SRGAP1: variants seen among roughly 807,000 people sequenced by gnomAD.
SRGAP1 encodes the protein SLIT-ROBO Rho GTPase-activating protein 1.
A neutral mutation model predicts 121.9 loss-of-function variants in SRGAP1; 43 were observed. That is an observed-to-expected ratio of 0.35 (90% CI 0.28 to 0.46). The LOEUF is 0.46. Ranked by LOEUF, SRGAP1 falls within the 20% of genes least tolerant of loss-of-function variation. The pLI, the probability that SRGAP1 is intolerant of heterozygous loss-of-function variation, is 1.00. For synonymous variants in SRGAP1, 447 were observed against 485.4 expected, an observed-to-expected ratio of 0.92 and a Z score of 1.04; for missense variants, 1,102 against 1,350.9, an observed-to-expected ratio of 0.82 and a Z score of 2.89.
At chr12:64,100,844 T>C (rs1209244627) in intron 15 of SRGAP1, among the ~76,000 whole-genome samples, 1 of 152,194 alleles carries the variant, frequency 6.6e-6, no homozygotes, top group Non-Finnish European at 1.5e-5. Context: ...CCTGCATTTT[T>C]CCTGGATTTT....
At chr12:64,092,690 C>A (rs1402624762) in intron 12 of SRGAP1, among the ~76,000 whole-genome samples, 1 of 152,004 alleles carries the variant, frequency 6.6e-6, no homozygotes, top group Non-Finnish European at 1.5e-5. Flanking sequence ...ATTTTCCCAG[C>A]CCCTGGCTTA....
intron 1 of SRGAP1, among the ~76,000 whole-genome samples, chr12:63,969,809 A>G (rs998690889): frequency 2.0e-5 from 3 of 151,920 alleles, no homozygotes; most frequent in African/African-American, 4.8e-5. Context: ...GAAAAAAAAA[A>G]AAACTAAAAA....
chr12:64,111,148 TG>T (rs1220207489), intron 16 of SRGAP1, among the ~76,000 whole-genome samples: 3 of 152,204 alleles, frequency 2.0e-5, no homozygotes, highest in African/African-American at 7.2e-5. Context: ...TTGCAAGCCT[TG>T]CATAGAATAA....
chr12:63,993,052 G>C lies in SRGAP1; in HGVS notation c.426+2980G>C, dbSNP rs770504779. ...ATTGCTGGAAGAGGAAAGAACAAGAGAGGCAAAGGACACAGGGAGAAATCA... is the reference window on the plus strand; with the variant it reads ...ATTGCTGGAAGAGGAAAGAACAAGACAGGCAAAGGACACAGGGAGAAATCA... On this transcript the variant is annotated intron_variant, in intron 3 of 21. Transcript: ENST00000355086. Among the ~76,000 whole-genome samples the C allele has an allele frequency of 5.9e-5, 9 of 152,172 alleles. No individual in the cohort carries two copies. The South Asian group carries it at 1.0e-3, about 18-fold the overall frequency.
Position 64,151,931 on chromosome 12 carries a change from C to G in SRGAP1, c.*9259C>G, listed in dbSNP as rs2037123591. 1.3e-5 allele frequency: 2 copies of G among 152,278 alleles called. No homozygotes were observed. Among genetic ancestry groups the G allele is most frequent in the African/African-American group, 4.8e-5 (2 of 41,438 alleles). 9.4% of individuals were successfully genotyped at this position (152,278 alleles called of 1,614,324 possible). ...TCCTCCAATCTGTTCCGCTGCCTAT[C>G]TCTGCTCTAAGCTAATTCTGTGCAC... On this transcript the variant is annotated 3_prime_UTR_variant, in exon 22 of 22. Transcript: ENST00000355086.
At chr12:64,046,430 C>T (rs2035131328) in intron 6 of SRGAP1, among the ~76,000 whole-genome samples, 1 of 152,088 alleles carries the variant, frequency 6.6e-6, no homozygotes. Flanking sequence ...GGAGCTATAG[C>T]AAGAGTCTTT....
chr12:64,008,347 A>G (rs1052134180), intron 3 of SRGAP1, among the ~76,000 whole-genome samples: 1 of 147,928 alleles, frequency 6.8e-6, no homozygotes, highest in South Asian at 2.2e-4. Flanking sequence ...TCAAAAAGAT[A>G]CTTACTCCAT....
At chr12:64,042,173 A>G (rs1424084420) in intron 4 of SRGAP1, among the ~76,000 whole-genome samples, 1 of 152,060 alleles carries the variant, frequency 6.6e-6, no homozygotes, top group African/African-American at 2.4e-5. Context: ...CCGGGATTAC[A>G]GGCATGAGCC....
intron 1 of SRGAP1, among the ~76,000 whole-genome samples, chr12:63,860,957 T>C (rs566693649): frequency 2.5e-4 from 38 of 152,180 alleles, no homozygotes; most frequent in African/African-American, 8.4e-4. Context: ...CACTTCAGCC[T>C]CTTGAGTAAC....
At chr12:63,927,055 T>G (rs2031286421) in intron 1 of SRGAP1, among the ~76,000 whole-genome samples, 1 of 152,152 alleles carries the variant, frequency 6.6e-6, no homozygotes, top group Non-Finnish European at 1.5e-5. Context: ...TCTCTCAACA[T>G]ACCCAATCCC....
intron 1 of SRGAP1, chr12:63,888,728 C>T (rs111928758): frequency 7.2e-5 from 11 of 152,320 alleles, no homozygotes; most frequent in African/African-American, 2.6e-4. Flanking sequence ...CATAGTACCA[C>T]CTTCTGTTAA....
chr12:63,896,873 C>T (rs1169634232), intron 1 of SRGAP1, among the ~76,000 whole-genome samples: 3 of 152,144 alleles, frequency 2.0e-5, no homozygotes. Flanking sequence ...GTCCTATAGC[C>T]AGATAAATTT....
At chr12:63,984,989 C>T (rs2033374929) in intron 2 of SRGAP1, among the ~76,000 whole-genome samples, 2 of 144,322 alleles carry the variant, frequency 1.4e-5, no homozygotes, top group Non-Finnish European at 3.0e-5. Flanking sequence ...GCACTCCAGG[C>T]TGGGCAATAG....
chr12:64,087,975 A>C (rs55843457), intron 11 of SRGAP1, among the ~76,000 whole-genome samples: 1 of 152,134 alleles, frequency 6.6e-6, no homozygotes, highest in Non-Finnish European at 1.5e-5. Context: ...TTATTTTTCT[A>C]TGTCACCATT....
chr12:63,978,681 TG>T (rs11336049), intron 1 of SRGAP1, among the ~76,000 whole-genome samples: 66,411 of 151,960 alleles, frequency 0.44, 14,552 homozygotes, highest in South Asian at 0.52. Flanking sequence ...TGCAAGTTTT[TG>T]TATGGAAATA....
At chr12:63,874,058 A>G (rs2136279702) in intron 1 of SRGAP1, among the ~76,000 whole-genome samples, 1 of 152,190 alleles carries the variant, frequency 6.6e-6, no homozygotes, top group East Asian at 1.9e-4. Context: ...GAGAGAGGAA[A>G]GAAAGAGAAG....
At chr12:63,864,937 C>A in intron 1 of SRGAP1, among the ~76,000 whole-genome samples, 1 of 151,916 alleles carries the variant, frequency 6.6e-6, no homozygotes, top group South Asian at 2.1e-4. Context: ...AAAAAATAAA[C>A]TTGTTGGCTA....
At chr12:64,092,928 T>C (rs2036081832) in intron 12 of SRGAP1, among the ~76,000 whole-genome samples, 2 of 152,154 alleles carry the variant, frequency 1.3e-5, no homozygotes, top group African/African-American at 4.8e-5. Flanking sequence ...TGAAAGTAAA[T>C]TGAGGTACCA....
At chr12:64,004,901 G>A (rs1189772553) in intron 3 of SRGAP1, among the ~76,000 whole-genome samples, 1 of 152,144 alleles carries the variant, frequency 6.6e-6, no homozygotes, top group Non-Finnish European at 1.5e-5. Context: ...CCACATGATA[G>A]GGATTCTAAA....
Sources: allele counts gnomAD v4.1 joint callset (sites outside exome capture counted in the v4.1 genomes callset), GRCh38; gene constraint gnomAD v4.1.1; transcripts MANE v1.5; gene names NCBI Gene and HGNC (gene_info 2026-07-23, HGNC 2026-07-21).